TMEM39B: variants seen among roughly 807,000 people sequenced by gnomAD.
TMEM39B encodes the protein transmembrane protein 39B.
Under a neutral mutation model 52.2 loss-of-function variants are expected in TMEM39B, and 23 were observed. That is an observed-to-expected ratio of 0.44 (90% CI 0.32 to 0.62). The LOEUF (loss-of-function observed/expected upper bound fraction) is 0.62. Among genes scored for constraint, TMEM39B ranks in the 20% least tolerant of loss-of-function variants. The pLI, the probability that TMEM39B is intolerant of heterozygous loss-of-function variation, is 0.06. For synonymous variants in TMEM39B, 285 were observed against 264.0 expected, an observed-to-expected ratio of 1.08 and a Z score of -0.77; for missense variants, 547 against 642.0, an observed-to-expected ratio of 0.85 and a Z score of 1.60.
At chr1:32,076,103 C>CTTTTTTTTTTTTTTTTTTT (rs1178215057) in intron 3 of TMEM39B, 102 of 76,238 alleles carry the variant, frequency 1.3e-3, no homozygotes, top group South Asian at 2.0e-3. Context: ...TTCTTTTCTT[C>CTTTTTTTTTTTTTTTTTTT]TTTTTTTTTT....
intron 1 of TMEM39B, chr1:32,073,647 G>A: frequency 1.0e-5 from 10 of 985,898 alleles, no homozygotes; most frequent in Non-Finnish European, 1.2e-5. Flanking sequence ...TGTTTGTGTG[G>A]GATTTTCTAA....
rs935282577 is a variant in TMEM39B at position 32,073,146 on chromosome 1, C to T, written c.4+95C>T. The T allele has an allele frequency of 6.8e-6, 9 of 1,328,410 alleles. No individual in the cohort carries two copies. The African/African-American group carries it at 1.2e-4, about 18-fold the overall frequency. 82.3% of individuals were successfully genotyped at this position (1,328,410 alleles called of 1,614,324 possible). A position where few individuals can be genotyped will look rare whatever the true frequency, so the allele number is the denominator to read the frequency against. On this transcript the variant is annotated intron_variant, in intron 1 of 8. Transcript: ENST00000336294. Reference sequence around the variant, plus strand: ...TTGCTGCTCCACGCGGACAGGAGCCCGGTGACGGGAGGGGGAGGGGATGCG... The same window carrying T: ...TTGCTGCTCCACGCGGACAGGAGCCTGGTGACGGGAGGGGGAGGGGATGCG...
intron 1 of TMEM39B, 47 bp downstream of exon 1, chr1:32,073,098 G>A: frequency 1.4e-6 from 2 of 1,415,202 alleles, no homozygotes; most frequent in Non-Finnish European, 1.9e-6. Context: ...CGGGCGCACG[G>A]GTTAGGATGG....
At chr1:32,072,740 G>C (rs576841952), upstream of TMEM39B, among the ~76,000 whole-genome samples, 9 of 152,342 alleles carry the variant, frequency 5.9e-5, no homozygotes, top group Non-Finnish European at 8.8e-5. Flanking sequence ...GAGAAGACAC[G>C]CACGGGAAGA....
At chr1:32,093,469 T>TGGCGCAATCTTGGCTCACTGCAGC (rs1377354344) in intron 6 of TMEM39B, among the ~76,000 whole-genome samples, 10 of 134,466 alleles carry the variant, frequency 7.4e-5, no homozygotes, top group African/African-American at 2.5e-4. Context: ...TGGAGTGCAG[T>TGGCGCAATCTTGGCTCACTGCAGC]GGCGCAATCT....
At chr1:32,077,377 GACCGTAGCTGGCTC>G in intron 5 of TMEM39B, 59 bp downstream of exon 5, 1 of 1,587,852 alleles carries the variant, frequency 6.3e-7, no homozygotes. Flanking sequence ...CCTCTGCCCT[GACCGTAGCTGGCTC>G]ACCAGGCCTC....
chr1:32,101,579 T>A (rs1641021963), intron 8 of TMEM39B, among the ~76,000 whole-genome samples: 1 of 152,138 alleles, frequency 6.6e-6, no homozygotes, highest in Non-Finnish European at 1.5e-5. Context: ...CCTGGGGCTC[T>A]AAGGAACACA....
chr1:32,102,027 G>A (rs1470881858), intron 8 of TMEM39B, among the ~76,000 whole-genome samples: 2 of 152,084 alleles, frequency 1.3e-5, no homozygotes, highest in Non-Finnish European at 2.9e-5. Context: ...CAATACCCAG[G>A]AGATGACATT....
At chr1:32,092,149 T>C (rs1296320924) in intron 6 of TMEM39B, 138 bp downstream of exon 6, 16 of 779,026 alleles carry the variant, frequency 2.1e-5, no homozygotes, top group Middle Eastern at 2.5e-4. Context: ...GAGTGACTAC[T>C]ATCTCCATTT....
chr1:32,078,543 C>T (rs1639960486), intron 5 of TMEM39B, among the ~76,000 whole-genome samples: 1 of 151,976 alleles, frequency 6.6e-6, no homozygotes, highest in Non-Finnish European at 1.5e-5. Context: ...AAGCTTTTAA[C>T]ATGGAAAAAG....
rs141414210 is a variant in TMEM39B at position 32,078,899 on chromosome 1, C to T, written c.590+1581C>T. On this transcript the variant is annotated intron_variant, in intron 5 of 8. Coordinates refer to ENST00000336294, the MANE Select transcript of TMEM39B (RefSeq NM_018056.4). ...CAAGTGATCTGCCCACCTTGTCCTC[C>T]CAAAGTGCTGGGATTACAGATGTGA... Among the ~76,000 whole-genome samples, 1,133 of 152,022 alleles carry T rather than the reference C, an allele frequency of 7.5e-3. 19 individuals carry two copies. The highest frequency in any genetic ancestry group is 0.026 in the African/African-American group (1,066 of 41,480).
At chr1:32,082,773 T>C (rs1428219308) in intron 5 of TMEM39B, among the ~76,000 whole-genome samples, 1 of 150,672 alleles carries the variant, frequency 6.6e-6, no homozygotes, top group East Asian at 2.0e-4. Flanking sequence ...TTTTTTGTTT[T>C]TTGTTTTTTG....
rs758491686 is a variant in TMEM39B, at chr1:32,088,286, G to A, written c.591-3389G>A. Among the ~76,000 whole-genome samples, 221 of 150,744 alleles carry A rather than the reference G, an allele frequency of 1.5e-3. 1 individual carries two copies. Among genetic ancestry groups the A allele is most frequent in the Non-Finnish European group, 6.5e-4 (44 of 67,668 alleles). On this transcript the variant is annotated intron_variant, in intron 5 of 8. Transcript: ENST00000336294. The stretch of plus-strand genomic sequence containing the variant: ...AAAAAAATTAGTCGGGTATAGTGGC[G>A]GGCGCCTGTAGTCCCAGCTACTCGG...
At position 32,084,236 on chromosome 1, in the gene TMEM39B, T is replaced by TG. The variant is rs1292777479; in HGVS notation, c.590+6919dup. Among the ~76,000 whole-genome samples the TG allele has an allele frequency of 7.2e-5, 11 of 152,286 alleles. No homozygotes were observed. In the East Asian group the frequency reaches 1.9e-3, roughly 27 times the overall value. ...CCAGCCTCTCAGTCATACTGCCTGT[T>TG]GCCTGGAGTCCATTTCCTTCTCCCT... is the stretch of plus-strand genomic sequence containing the variant. On this transcript the variant is annotated intron_variant, in intron 5 of 8. Coordinates refer to ENST00000336294, the MANE Select transcript of TMEM39B (RefSeq NM_018056.4).
chr1:32,081,605 A>C (rs1482925298), intron 5 of TMEM39B, among the ~76,000 whole-genome samples: 1 of 151,924 alleles, frequency 6.6e-6, no homozygotes, highest in Non-Finnish European at 1.5e-5. Context: ...AAAATTAGCC[A>C]GGTGTGGTGG....
At chr1:32,085,494 A>G (rs183984221) in intron 5 of TMEM39B, among the ~76,000 whole-genome samples, 147 of 152,200 alleles carry the variant, frequency 9.7e-4, no homozygotes, top group Non-Finnish European at 1.7e-3. Context: ...GGCTCACGCC[A>G]GTAATCCCTG....
intron 7 of TMEM39B, among the ~76,000 whole-genome samples, chr1:32,095,426 T>G (rs924386845): frequency 1.3e-5 from 2 of 152,044 alleles, no homozygotes; most frequent in African/African-American, 4.8e-5. Context: ...TTTTTAGCAG[T>G]GGAGGGACCC....
chr1:32,101,443 A>T (rs925509213), intron 8 of TMEM39B, among the ~76,000 whole-genome samples: 22 of 144,704 alleles, frequency 1.5e-4, no homozygotes, highest in East Asian at 4.1e-4. Flanking sequence ...CCCCTTTTTT[A>T]AAAAAAACAA....
intron 8 of TMEM39B, among the ~76,000 whole-genome samples, chr1:32,101,971 A>C (rs1022615646): frequency 3.9e-5 from 6 of 152,158 alleles, no homozygotes; most frequent in African/African-American, 1.4e-4. Flanking sequence ...AGTCTGTAAT[A>C]ACTTTCCATG....
Sources: allele counts gnomAD v4.1 joint callset (sites outside exome capture counted in the v4.1 genomes callset), GRCh38; gene constraint gnomAD v4.1.1; transcripts MANE v1.5; gene names NCBI Gene and HGNC (gene_info 2026-07-23, HGNC 2026-07-21).